Variants in KLHL20 observed in about 807,000 individuals in gnomAD.
The protein encoded by KLHL20 is kelch like family member 20.
In KLHL20, 29 loss-of-function variants were observed where a neutral mutation model predicts 69.5. The observed-to-expected ratio is 0.42, with a 90% CI of 0.31 to 0.57. The LOEUF (loss-of-function observed/expected upper bound fraction) is 0.57, where lower values mean the gene tolerates loss of function less well. KLHL20 is among the 20% of genes least tolerant of loss of function. The pLI is 0.18. For missense variants in KLHL20, 419 were observed against 776.0 expected, an observed-to-expected ratio of 0.54 and a Z score of 5.47; for synonymous variants, 253 against 265.2, an observed-to-expected ratio of 0.95 and a Z score of 0.45.
In KLHL20 at chr1:173,775,772, G is replaced by A; in HGVS notation, c.1568G>A (p.Ser523Asn). ...GGRDDTTELS[S>N]AERYNPRTNQ... is the part of the protein sequence containing the mutation. ...AGAGATGACACTACAGAGCTGAGCA[G>A]TGCTGAGAGATACAACCCCAGAACC... The change falls in exon 10 of 12, where the codon AGT becomes AAT. Residue 523 changes from serine (S) to asparagine (N), a missense_variant. Ser to Asn is a conservative substitution (Grantham distance 46). Transcript: ENST00000209884. The A allele has an allele frequency of 6.2e-7, 1 of 1,614,210 alleles. No homozygotes were observed. The highest frequency in any genetic ancestry group is 2.2e-5 in the East Asian group (1 of 44,882).
chr1:173,715,362 T>C (rs1330022855), intron 1 of KLHL20: 1 of 152,292 alleles, frequency 6.6e-6, no homozygotes. Context: ...CCCCAGACAG[T>C]GTTTGGAATT....
chr1:173,775,834 C>T lies in KLHL20; in HGVS notation c.1630C>T (p.Arg544Cys), dbSNP rs1371966961. 5.0e-6 allele frequency: 8 copies of T among 1,613,958 alleles called. No homozygotes were observed. The highest frequency in any genetic ancestry group is 1.7e-5 in the Admixed American group (1 of 60,010). ...TCCAGTGGTGGCCATGACATCACGC[C>T]GTAGTGGAGTAAGTGGTTATGGACA... Reference protein sequence around the residue: ...WSPVVAMTSRRSGVGLAVVNG... With the variant: ...WSPVVAMTSRCSGVGLAVVNG... Residue 544 changes from arginine (R) to cysteine (C), a missense_variant, in exon 10 of 12, where the codon CGT (arginine) becomes TGT (cysteine). Arg to Cys is a radical substitution (Grantham distance 180). Coordinates refer to ENST00000209884, the MANE Select transcript of KLHL20 (RefSeq NM_014458.4).
chr1:173,782,225 A>G lies in KLHL20; in HGVS notation c.1740A>G (p.Thr580=), dbSNP rs780209237. ...AAGTTTTTGATCCTGATGCCAATAC[A>G]TGGAGGTAACTTTTAAGCTGTGTAG... ...TIEVFDPDAN[T]WRLYGGMNYR... The change falls in exon 11 of 12, where the codon ACA becomes ACG. Residue 580 remains threonine (T), a synonymous_variant. Transcript: ENST00000209884. 2 of 1,611,750 alleles carry G rather than the reference A, an allele frequency of 1.2e-6. No individual in the cohort carries two copies. The highest frequency in any genetic ancestry group is 4.5e-5 in the East Asian group (2 of 44,860).
At position 173,719,232 on chromosome 1, in the gene KLHL20, G is replaced by C. The variant is rs1313983723; in HGVS notation, c.23+3166G>C. Among the ~76,000 whole-genome samples, 3 of 152,016 alleles carry C rather than the reference G, an allele frequency of 2.0e-5. No homozygotes were observed. The East Asian group carries it at 5.8e-4, about 29-fold the overall frequency. ...TAGTTAACCAGTCCCATTTGAGAGA[G>C]ATTTATTTCAACTGTTTTGCTGTTA... is the stretch of plus-strand genomic sequence containing the variant. On this transcript the variant is annotated intron_variant, in intron 2 of 11. Coordinates refer to ENST00000209884, the MANE Select transcript of KLHL20 (RefSeq NM_014458.4).
intron 2 of KLHL20, among the ~76,000 whole-genome samples, chr1:173,720,202 C>T (rs1671653340): frequency 6.6e-6 from 1 of 152,078 alleles, no homozygotes; most frequent in African/African-American, 2.4e-5. Flanking sequence ...GAGGGAACTG[C>T]TCTGTGGAGA....
rs538648826 is a variant in KLHL20, at chr1:173,744,469, A to C, written c.598-7295A>C. Among the ~76,000 whole-genome samples the C allele has an allele frequency of 4.6e-5, 7 of 152,208 alleles. No homozygotes were observed. In the South Asian group the frequency reaches 1.4e-3, roughly 32 times the overall value. The stretch of plus-strand genomic sequence containing the variant: ...CAAGTTTGCTTATTGTATTTTTGAT[A>C]ATACAAAAGTTTTTGGTTTTTTTAA... On this transcript the variant is annotated intron_variant, in intron 3 of 11. Coordinates refer to ENST00000209884, the MANE Select transcript of KLHL20 (RefSeq NM_014458.4).
At chr1:173,754,058 C>CCAA (rs111325471) in intron 5 of KLHL20, among the ~76,000 whole-genome samples, 13,674 of 152,072 alleles carry the variant, frequency 0.09, 1,982 homozygotes, top group African/African-American at 0.31. Context: ...GACCTTTGAA[C>CCAA]CTCCCTTGGT....
At chr1:173,777,612 T>C (rs1027242027) in intron 10 of KLHL20, among the ~76,000 whole-genome samples, 1 of 152,242 alleles carries the variant, frequency 6.6e-6, no homozygotes, top group Non-Finnish European at 1.5e-5. Flanking sequence ...TAAGGGTTTT[T>C]ATCATGAAGG....
At chr1:173,764,243 C>T (rs1647526541) in intron 7 of KLHL20, among the ~76,000 whole-genome samples, 1 of 152,062 alleles carries the variant, frequency 6.6e-6, no homozygotes, top group Non-Finnish European at 1.5e-5. Flanking sequence ...GGTGTGGATG[C>T]TGTGAACAGG....
At chr1:173,757,984 A>C (rs1673628851) in intron 7 of KLHL20, among the ~76,000 whole-genome samples, 1 of 152,248 alleles carries the variant, frequency 6.6e-6, no homozygotes, top group Non-Finnish European at 1.5e-5. Context: ...CACATCTATG[A>C]AACGCTGCCG....
chr1:173,764,836 C>G (rs1647584225), intron 7 of KLHL20, among the ~76,000 whole-genome samples: 1 of 152,020 alleles, frequency 6.6e-6, no homozygotes, highest in Admixed American at 6.6e-5. Context: ...CTCATGTAAC[C>G]AAATACCACC....
chr1:173,715,100 G>C (rs1280125187), intron 1 of KLHL20, 22 bp downstream of exon 1: 1 of 152,668 alleles, frequency 6.6e-6, no homozygotes, highest in African/African-American at 2.4e-5. Context: ...AGTCACCTTA[G>C]AGCAGGGGAC....
At chr1:173,732,024 C>T (rs983682277) in intron 2 of KLHL20, among the ~76,000 whole-genome samples, 5 of 152,058 alleles carry the variant, frequency 3.3e-5, no homozygotes, top group South Asian at 2.1e-4. Flanking sequence ...GGTGAAACCC[C>T]GTCTCTACTA....
At chr1:173,755,059 C>CTTTT (rs372616022) in intron 5 of KLHL20, among the ~76,000 whole-genome samples, 4 of 133,540 alleles carry the variant, frequency 3.0e-5, no homozygotes, top group Non-Finnish European at 4.8e-5. Flanking sequence ...AAGTCTTTGT[C>CTTTT]TTTTTTTTTT....
chr1:173,774,954 G>A (rs947147097), intron 9 of KLHL20, among the ~76,000 whole-genome samples: 17 of 152,054 alleles, frequency 1.1e-4, no homozygotes, highest in African/African-American at 3.1e-4. Flanking sequence ...GGGATTATAC[G>A]TGTATGCCAC....
intron 3 of KLHL20, among the ~76,000 whole-genome samples, chr1:173,740,473 G>A (rs1363782114): frequency 6.6e-6 from 1 of 151,784 alleles, no homozygotes; most frequent in Non-Finnish European, 1.5e-5. Context: ...GTTCCTTGAG[G>A]TTTTACCTTA....
rs1648300371 is a variant in KLHL20, at chr1:173,774,226, C to T, written c.1296-79C>T. The stretch of plus-strand genomic sequence containing the variant: ...TAGCAAGTCCGTGTACTCAGTATAT[C>T]GTTAGTGTGATTTCAGATCTTATGA... On this transcript the variant is annotated intron_variant, in intron 8 of 11. Coordinates refer to ENST00000209884, the MANE Select transcript of KLHL20 (RefSeq NM_014458.4). 27 of 1,540,596 alleles carry T rather than the reference C, an allele frequency of 1.8e-5. No individual in the cohort carries two copies. In the South Asian group the frequency reaches 2.4e-4, roughly 14 times the overall value.
At chr1:173,759,107 G>T (rs1318562352) in intron 7 of KLHL20, among the ~76,000 whole-genome samples, 1 of 152,070 alleles carries the variant, frequency 6.6e-6, no homozygotes, top group Non-Finnish European at 1.5e-5. Context: ...GTGACTGCCG[G>T]CTTTCCCCCA....
At chr1:173,767,587 G>A (rs1647812456) in intron 8 of KLHL20, among the ~76,000 whole-genome samples, 1 of 152,066 alleles carries the variant, frequency 6.6e-6, no homozygotes, top group Non-Finnish European at 1.5e-5. Flanking sequence ...CATTCTAACA[G>A]GTGTGACATG....
Sources: allele counts gnomAD v4.1 joint callset (sites outside exome capture counted in the v4.1 genomes callset), GRCh38; gene constraint gnomAD v4.1.1; transcripts MANE v1.5; gene names NCBI Gene and HGNC (gene_info 2026-07-23, HGNC 2026-07-21).